The following RBFOX3 variants were observed in gnomAD, a reference collection of about 807,000 sequenced individuals.
The protein encoded by RBFOX3 is RNA binding fox-1 homolog 3.
RBFOX3 carries 17 observed loss-of-function variants against 48.7 expected under a neutral mutation model. The observed-to-expected ratio is 0.35, with a 90% CI of 0.24 to 0.52. RBFOX3 has a LOEUF of 0.52. RBFOX3 is among the 20% of genes least tolerant of loss of function. The pLI is 0.94. For missense variants in RBFOX3, 382 were observed against 497.5 expected (o/e 0.77, Z 2.21); for synonymous variants, 212 against 209.5 (o/e 1.01, Z -0.10).
chr17:79,509,515 G>A (rs949998614), intron 1 of RBFOX3, among the ~76,000 whole-genome samples: 1 of 152,164 alleles, frequency 6.6e-6, no homozygotes, highest in Non-Finnish European at 1.5e-5. Context: ...TGAGTCCAGG[G>A]CAGGCAGGCA....
intron 2 of RBFOX3, among the ~76,000 whole-genome samples, chr17:79,377,733 T>G (rs889191855): frequency 1.4e-4 from 21 of 152,158 alleles, no homozygotes; most frequent in African/African-American, 4.1e-4. Context: ...CCCTCTGCCC[T>G]GCATCCCTTT....
intron 1 of RBFOX3, among the ~76,000 whole-genome samples, chr17:79,487,644 G>A (rs771717117): frequency 1.0e-3 from 157 of 152,198 alleles, no homozygotes; most frequent in Non-Finnish European, 1.6e-3. Context: ...GCTGGGTAAT[G>A]TTTCTGATGA....
At chr17:79,511,840 G>A (rs944363548) in intron 1 of RBFOX3, among the ~76,000 whole-genome samples, 17 of 146,542 alleles carry the variant, frequency 1.2e-4, no homozygotes, top group African/African-American at 4.1e-4. Context: ...CGTTACCATC[G>A]GGTACAGCCC....
chr17:79,187,943 A>T (rs551770667), intron 4 of RBFOX3, among the ~76,000 whole-genome samples: 10 of 152,274 alleles, frequency 6.6e-5, no homozygotes, highest in East Asian at 1.9e-4. Flanking sequence ...GCCTTTTTTT[A>T]AAAAAATGTA....
the RBFOX3 span, among the ~76,000 whole-genome samples, chr17:79,631,822 C>T: frequency 6.6e-6 from 1 of 152,212 alleles, no homozygotes; most frequent in African/African-American, 2.4e-5. Context: ...GCTGCTCCCC[C>T]TGGAAGAAGG....
In RBFOX3 at chr17:79,241,341, C is replaced by T. The variant is rs967023375; in HGVS notation, c.-73-5536G>A. ...TTTCGCTTTAAGTTTGAGCCCTCTG[C>T]GTAACACCATCCTGCACTTCTGGGG... On this transcript the variant is annotated intron_variant, in intron 3 of 14. Transcript: ENST00000693108. Among the ~76,000 whole-genome samples, 17 of 152,150 alleles carry T rather than the reference C, an allele frequency of 1.1e-4. No homozygotes were observed. The South Asian group carries it at 3.1e-3, about 28-fold the overall frequency.
chr17:79,187,190 C>G (rs2053582432), intron 4 of RBFOX3, among the ~76,000 whole-genome samples: 1 of 152,216 alleles, frequency 6.6e-6, no homozygotes, highest in Non-Finnish European at 1.5e-5. Flanking sequence ...TGACCCCTAC[C>G]CATGTCCTTT....
chr17:79,411,779 G>A (rs573150633), intron 2 of RBFOX3, among the ~76,000 whole-genome samples: 11 of 152,346 alleles, frequency 7.2e-5, no homozygotes, highest in African/African-American at 2.6e-4. Flanking sequence ...CCCAGTCCTC[G>A]TGGAGCCCTG....
chr17:79,226,593 G>A (rs76182471), intron 4 of RBFOX3, among the ~76,000 whole-genome samples: 2,571 of 152,198 alleles, frequency 0.017, 63 homozygotes, highest in African/African-American at 0.058. Context: ...CTGGGATGTG[G>A]CAAAACTCAG....
chr17:79,269,575 C>T (rs554245162), intron 3 of RBFOX3, among the ~76,000 whole-genome samples: 151 of 152,142 alleles, frequency 9.9e-4, no homozygotes, highest in Non-Finnish European at 1.7e-3. Context: ...TCCTCCTCCC[C>T]GTCTCCCTGG....
In RBFOX3 at chr17:79,544,799, C is replaced by T. The variant is rs74002534; in HGVS notation, c.-319-62201G>A. 6.8e-3 allele frequency among the ~76,000 whole-genome samples: 1,041 copies of T among 152,040 alleles called. 13 individuals are homozygous for T. Among genetic ancestry groups the T allele is most frequent in the African/African-American group, 0.021 (868 of 41,444 alleles). ...CTCCTGAGCAGCACCGCCCTCCCCCCACCTTCTAGACATGGGGGAGTAACA... is the reference window on the plus strand; with the variant it reads ...CTCCTGAGCAGCACCGCCCTCCCCCTACCTTCTAGACATGGGGGAGTAACA... On this transcript the variant is annotated intron_variant, in intron 1 of 14. Coordinates refer to ENST00000693108, the MANE Select transcript of RBFOX3 (RefSeq NM_001350451.2).
intron 1 of RBFOX3, among the ~76,000 whole-genome samples, chr17:79,575,117 GC>G (rs1225729737): frequency 6.6e-6 from 1 of 152,196 alleles, no homozygotes; most frequent in East Asian, 1.9e-4. Context: ...GGGCTGTGAA[GC>G]CCCCCAGGCG....
chr17:79,445,003 A>G (rs2071940492), intron 2 of RBFOX3, among the ~76,000 whole-genome samples: 1 of 151,692 alleles, frequency 6.6e-6, no homozygotes, highest in South Asian at 2.1e-4. Flanking sequence ...GGAGTCACAC[A>G]CTCTGTGGCC....
rs2066469710 is a variant in RBFOX3, at chr17:79,421,935, C to T, written c.-175+60519G>A. ...CCTCAGCAACTGGCCCCATGTTCCACAGGCTCAGCAGCTCCCAACAGAATT... is the reference window on the plus strand; with the variant it reads ...CCTCAGCAACTGGCCCCATGTTCCATAGGCTCAGCAGCTCCCAACAGAATT... On this transcript the variant is annotated intron_variant, in intron 2 of 14. Transcript: ENST00000693108. This position sits in a 1 kb window ranked among gnomAD's most constrained non-coding sequence, Gnocchi z 4.5. Among the ~76,000 whole-genome samples, 1 of 152,148 alleles carries T rather than the reference C, an allele frequency of 6.6e-6. No homozygotes were observed. Among genetic ancestry groups the T allele is most frequent in the Non-Finnish European group, 1.5e-5 (1 of 68,022 alleles).
chr17:79,543,416 A>C (rs1197743728), intron 1 of RBFOX3, among the ~76,000 whole-genome samples: 1 of 152,124 alleles, frequency 6.6e-6, no homozygotes, highest in Non-Finnish European at 1.5e-5. Flanking sequence ...GCCAATGTTC[A>C]TCACCCTCTG....
rs150746292 is a variant in RBFOX3 at position 79,273,099 on chromosome 17, C to T, written c.-74+34625G>A. Among the ~76,000 whole-genome samples, 1,349 of 152,260 alleles carry T rather than the reference C, an allele frequency of 8.9e-3. 10 individuals carry two copies. The highest frequency in any genetic ancestry group is 0.011 in the Non-Finnish European group (721 of 68,010). On this transcript the variant is annotated intron_variant, in intron 3 of 14. Coordinates refer to ENST00000693108, the MANE Select transcript of RBFOX3 (RefSeq NM_001350451.2). ...TGGAGCCAAAGAACAGAGTGGTGAC[C>T]TGTGACTACCAGGAGTCCCTGGCGG...
chr17:79,093,520 TG>T (rs1438977114), intron 14 of RBFOX3, among the ~76,000 whole-genome samples: 1 of 142,262 alleles, frequency 7.0e-6, no homozygotes, highest in Non-Finnish European at 1.5e-5. Context: ...CACAGGCTGC[TG>T]GGGGTGTCTG....
At chr17:79,520,381 T>C (rs1382026858) in intron 1 of RBFOX3, among the ~76,000 whole-genome samples, 2 of 152,148 alleles carry the variant, frequency 1.3e-5, no homozygotes, top group Admixed American at 1.3e-4. Context: ...AGAAGGAGCA[T>C]GTCGGGCCAA....
chr17:79,137,096 G>A (rs2040390239), intron 4 of RBFOX3, among the ~76,000 whole-genome samples: 1 of 152,082 alleles, frequency 6.6e-6, no homozygotes, highest in Non-Finnish European at 1.5e-5. Flanking sequence ...CCCCTGTTTG[G>A]GTTCTGAACC....
Sources: gnomAD v4.1 joint callset for allele counts (sites outside exome capture counted in the v4.1 genomes callset) on GRCh38, gnomAD v4.1.1 for gene constraint, Gnocchi (gnomAD v3.1) non-coding constraint, MANE v1.5 for transcripts, NCBI Gene and HGNC (gene_info 2026-07-23, HGNC 2026-07-21) for gene names.